The following SH3RF2 variants were observed in gnomAD, a reference collection of about 807,000 sequenced individuals.
SH3RF2 encodes E3 ubiquitin-protein ligase SH3RF2.
In SH3RF2, 43 loss-of-function variants were observed where a neutral mutation model predicts 59.0. That is an observed-to-expected ratio of 0.73 (90% CI 0.57 to 0.94). SH3RF2 has a LOEUF of 0.94. Ranked by LOEUF, SH3RF2 falls within the 40% of genes least tolerant of loss-of-function variation. The pLI, the probability that SH3RF2 is intolerant of heterozygous loss-of-function variation, is 0.00. For synonymous variants in SH3RF2, 391 were observed against 391.5 expected (o/e 1.00, Z 0.01); for missense variants, 930 against 940.1 (o/e 0.99, Z 0.14).
At chr5:145,958,182 C>T (rs955857812) in intron 2 of SH3RF2, among the ~76,000 whole-genome samples, 13 of 152,138 alleles carry the variant, frequency 8.5e-5, no homozygotes, top group Admixed American at 7.2e-4. Flanking sequence ...GTCACATGCT[C>T]GATGTCACTA....
chr5:146,008,123 T>C (rs1760722251), intron 4 of SH3RF2, among the ~76,000 whole-genome samples: 1 of 152,266 alleles, frequency 6.6e-6, no homozygotes, highest in Non-Finnish European at 1.5e-5. Context: ...GCTGAGCCTA[T>C]GCTCATTCTT....
chr5:146,051,248 G>A (rs752493348), intron 7 of SH3RF2, among the ~76,000 whole-genome samples: 1 of 152,190 alleles, frequency 6.6e-6, no homozygotes, highest in Non-Finnish European at 1.5e-5. Context: ...TAATGGGGTA[G>A]CCAGGTCATA....
intron 2 of SH3RF2, among the ~76,000 whole-genome samples, chr5:145,969,280 A>AT (rs1324863130): frequency 1.3e-5 from 2 of 152,242 alleles, no homozygotes; most frequent in African/African-American, 2.4e-5. Context: ...TTTATGAAAC[A>AT]TTTAAAGAAA....
At chr5:146,065,439 C>G (rs1054127489), downstream of SH3RF2, among the ~76,000 whole-genome samples, 42 of 152,222 alleles carry the variant, frequency 2.8e-4, no homozygotes, top group African/African-American at 8.2e-4. Flanking sequence ...TATGGCATGA[C>G]TGGCCGACCA....
chr5:145,994,758 C>T (rs1469893989), intron 2 of SH3RF2, among the ~76,000 whole-genome samples: 3 of 152,056 alleles, frequency 2.0e-5, no homozygotes, highest in East Asian at 3.9e-4. Context: ...TTTTCTGATC[C>T]CCAGTTTTTT....
chr5:145,937,986 G>C lies in SH3RF2; in HGVS notation c.58G>C (p.Asp20His), dbSNP rs146676569. The C allele has an allele frequency of 6.2e-7, 1 of 1,614,178 alleles. No homozygotes were observed. Among genetic ancestry groups the C allele is most frequent in the Non-Finnish European group, 8.5e-7 (1 of 1,180,026 alleles). Residue 20 changes from aspartate (D) to histidine (H), a missense_variant, in exon 2 of 10, where the codon GAT becomes CAT. Coordinates refer to ENST00000359120, the MANE Select transcript of SH3RF2 (RefSeq NM_152550.4). ...LECPVCFEKLDVTAKVLPCQH... is the reference protein window; with the variant it reads ...LECPVCFEKLHVTAKVLPCQH... ...GTGCCCTGTGTGCTTTGAGAAGCTC[G>C]ATGTCACAGCCAAAGTCCTCCCTTG...
At chr5:146,047,154 C>CGCGTGTGTGTGTGTGT (rs139475753) in intron 5 of SH3RF2, among the ~76,000 whole-genome samples, 1 of 148,134 alleles carries the variant, frequency 6.8e-6, no homozygotes, top group Non-Finnish European at 1.5e-5. Flanking sequence ...ATTGGATAGG[C>CGCGTGTGTGTGTGTGT]GTGTGTGTGT....
At chr5:146,007,654 A>G (rs995636462) in intron 4 of SH3RF2, among the ~76,000 whole-genome samples, 1 of 152,200 alleles carries the variant, frequency 6.6e-6, no homozygotes, top group African/African-American at 2.4e-5. Context: ...CCCATTTCCC[A>G]AAACTTCTCC....
chr5:145,968,022 C>T (rs1758927485), intron 2 of SH3RF2, among the ~76,000 whole-genome samples: 1 of 152,150 alleles, frequency 6.6e-6, no homozygotes, highest in Admixed American at 6.6e-5. Flanking sequence ...TCCATGAATT[C>T]CTGACACTGT....
chr5:145,961,640 G>C (rs1758637456), intron 2 of SH3RF2, among the ~76,000 whole-genome samples: 1 of 152,192 alleles, frequency 6.6e-6, no homozygotes, highest in African/African-American at 2.4e-5. Flanking sequence ...CATTTTAACT[G>C]AAGTCGTGAA....
In SH3RF2 at chr5:146,059,851, C is replaced by T; in HGVS notation, c.1556-15C>T. 6.9e-7 allele frequency: 1 copy of T among 1,444,308 alleles called. No homozygotes were observed. The highest frequency in any genetic ancestry group is 2.6e-5 in the East Asian group (1 of 39,118). The allele number at this position is 1,444,308 out of a possible 1,614,324, so 89.5% of individuals were successfully genotyped here. The stretch of plus-strand genomic sequence containing the variant: ...CCGCCCCTGCTGCTGATCTCTCTGT[C>T]CTATAATTCCCCAGATGGATCCCTG... On this transcript the variant is annotated splice_polypyrimidine_tract_variant and intron_variant, in intron 8 of 9. Transcript: ENST00000359120.
chr5:146,047,864 G>T lies in SH3RF2; in HGVS notation c.1151+1G>T. On this transcript the variant is annotated splice_donor_variant, in intron 6 of 9. Coordinates refer to ENST00000359120, the MANE Select transcript of SH3RF2 (RefSeq NM_152550.4). LOFTEE classifies it high-confidence loss of function. ...CCCAGCAACACCTCTCAGCGAACAT[G>T]TGAGTAAAAGGCTCATCCCTTCACC... is the stretch of plus-strand genomic sequence containing the variant. 6.2e-7 allele frequency: 1 copy of T among 1,613,874 alleles called. No homozygotes were observed. Among genetic ancestry groups the T allele is most frequent in the Non-Finnish European group, 8.5e-7 (1 of 1,179,980 alleles).
chr5:146,033,902 T>C (rs1270707257), intron 5 of SH3RF2, among the ~76,000 whole-genome samples: 1 of 152,176 alleles, frequency 6.6e-6, no homozygotes, highest in Non-Finnish European at 1.5e-5. Flanking sequence ...CATTGTTTGT[T>C]GTTACGAAAG....
In SH3RF2 at chr5:145,971,832, G is replaced by A. The variant is rs1759093349; in HGVS notation, c.379-28226G>A. Among the ~76,000 whole-genome samples the A allele has an allele frequency of 2.0e-5, 3 of 152,144 alleles. No individual in the cohort carries two copies. The South Asian group carries it at 6.2e-4, about 32-fold the overall frequency. ...AAGCCCCAAGGTTAAAGCATAAGGT[G>A]AAACATGAGGCTTGGAATAGCCAAG... On this transcript the variant is annotated intron_variant, in intron 2 of 9. Transcript: ENST00000359120.
intron 9 of SH3RF2, among the ~76,000 whole-genome samples, chr5:146,071,068 A>G (rs1225201254): frequency 6.6e-6 from 1 of 152,202 alleles, no homozygotes; most frequent in Non-Finnish European, 1.5e-5. Flanking sequence ...TGACCTTCCC[A>G]TGAGAATCAC....
intron 5 of SH3RF2, among the ~76,000 whole-genome samples, chr5:146,023,103 A>G (rs1390847572): frequency 6.6e-6 from 1 of 152,170 alleles, no homozygotes; most frequent in African/African-American, 2.4e-5. Context: ...TACATTAAAA[A>G]AACAAAGTCA....
intron 2 of SH3RF2, among the ~76,000 whole-genome samples, chr5:145,979,022 C>G (rs768704718): frequency 1.3e-5 from 2 of 152,142 alleles, no homozygotes; most frequent in Non-Finnish European, 2.9e-5. Context: ...AAATGGTCAC[C>G]TGTGAAAAAC....
rs371195499 is a variant in SH3RF2 at position 146,013,976 on chromosome 5, C to A, written c.974C>A (p.Thr325Asn). ...GGGCGCCATATGGTAGAGATCAGCACCCCAGTGCTCATCAGCTCCAGCAAC... is the reference window on the plus strand; with the variant it reads ...GGGCGCCATATGGTAGAGATCAGCAACCCAGTGCTCATCAGCTCCAGCAAC... ...PSGRHMVEIS[T>N]PVLISSSNPS... The change falls in exon 5 of 10, where the codon ACC becomes AAC. Residue 325 changes from threonine (T) to asparagine (N), a missense_variant. By Grantham distance (65) the Thr-to-Asn change is moderately conservative. Transcript: ENST00000359120. The A allele has an allele frequency of 3.7e-6, 6 of 1,614,116 alleles. No homozygotes were observed. The highest frequency in any genetic ancestry group is 5.1e-6 in the Non-Finnish European group (6 of 1,180,014).
chr5:145,951,217 G>T (rs969963486), intron 2 of SH3RF2, among the ~76,000 whole-genome samples: 1 of 152,204 alleles, frequency 6.6e-6, no homozygotes, highest in Non-Finnish European at 1.5e-5. Flanking sequence ...CTTGTTTACA[G>T]ATAAGAGGCT....
Sources: allele counts gnomAD v4.1 joint callset (sites outside exome capture counted in the v4.1 genomes callset), GRCh38; gene constraint gnomAD v4.1.1; transcripts MANE v1.5; gene names NCBI Gene and HGNC (gene_info 2026-07-23, HGNC 2026-07-21).